Variants in TMEM135 observed in about 807,000 individuals in gnomAD.
TMEM135 encodes the protein transmembrane protein 135.
Under a neutral mutation model 60.3 loss-of-function variants are expected in TMEM135, and 30 were observed. The ratio of observed to expected loss-of-function variants is 0.50; its 90% CI spans 0.37 to 0.68. The LOEUF is 0.68. Ranked by LOEUF, TMEM135 falls within the 30% of genes least tolerant of loss-of-function variation. TMEM135 has a pLI of 0.00. For synonymous variants in TMEM135, 190 were observed against 186.7 expected (o/e 1.02, Z -0.14); for missense variants, 468 against 548.8 (o/e 0.85, Z 1.47).
intron 8 of TMEM135, 55 bp from the exon 9 acceptor site, chr11:87,305,881 A>G (rs1413004454): frequency 7.5e-7 from 1 of 1,339,476 alleles, no homozygotes; most frequent in East Asian, 2.4e-5. Flanking sequence ...GTACAAACAC[A>G]TGGATATACA....
intron 4 of TMEM135, among the ~76,000 whole-genome samples, chr11:87,125,233 G>T (rs1168927680): frequency 6.6e-6 from 1 of 152,284 alleles, no homozygotes; most frequent in East Asian, 1.9e-4. Flanking sequence ...TAGCCAATGC[G>T]CTGTCTTTGT....
At chr11:87,265,567 C>A (rs776888881) in intron 6 of TMEM135, among the ~76,000 whole-genome samples, 9 of 151,984 alleles carry the variant, frequency 5.9e-5, no homozygotes, top group Non-Finnish European at 7.4e-5. Flanking sequence ...CTAAACACTT[C>A]TGGAAAATAA....
chr11:87,082,589 A>T (rs1857013775), intron 3 of TMEM135, among the ~76,000 whole-genome samples: 1 of 152,186 alleles, frequency 6.6e-6, no homozygotes, highest in African/African-American at 2.4e-5. Flanking sequence ...GGTAGTTAGA[A>T]AAATAAAAAT....
At chr11:87,251,947 A>G (rs1210816309) in intron 6 of TMEM135, among the ~76,000 whole-genome samples, 4 of 152,172 alleles carry the variant, frequency 2.6e-5, no homozygotes, top group Non-Finnish European at 5.9e-5. Flanking sequence ...AAAAGTCTTC[A>G]TCTGCAATCT....
chr11:87,189,307 T>C (rs1258469538), intron 5 of TMEM135, among the ~76,000 whole-genome samples: 1 of 151,978 alleles, frequency 6.6e-6, no homozygotes, highest in Non-Finnish European at 1.5e-5. Flanking sequence ...ATCACAGGCA[T>C]GTGCCACCAT....
intron 4 of TMEM135, among the ~76,000 whole-genome samples, chr11:87,135,422 A>G (rs146607790): frequency 6.6e-6 from 1 of 151,342 alleles, no homozygotes; most frequent in East Asian, 1.9e-4. Flanking sequence ...TATCGATCAC[A>G]GTTCATTTAA....
intron 3 of TMEM135, among the ~76,000 whole-genome samples, chr11:87,081,935 G>A (rs1254404770): frequency 6.6e-6 from 1 of 152,016 alleles, no homozygotes; most frequent in Non-Finnish European, 1.5e-5. Context: ...TGATCTCATT[G>A]TTACATTATT....
In TMEM135 at chr11:87,321,647, T is replaced by G. The variant is rs1333389785; in HGVS notation, c.*314T>G. 1 of 515,052 alleles carries G rather than the reference T, an allele frequency of 1.9e-6. No individual in the cohort carries two copies. The highest frequency in any genetic ancestry group is 3.7e-6 in the Non-Finnish European group (1 of 268,778). 31.9% of individuals were successfully genotyped at this position (515,052 alleles called of 1,614,324 possible). On this transcript the variant is annotated 3_prime_UTR_variant, in exon 15 of 15. Transcript: ENST00000305494. ...GTAGAAGTGTAATAACAAACAAGAG[T>G]ACACTTAAAATTACTTTAAAAGATG...
intron 1 of TMEM135, among the ~76,000 whole-genome samples, chr11:87,038,609 C>CTTTTTTT (rs3045930): frequency 9.7e-5 from 11 of 113,912 alleles, no homozygotes; most frequent in Non-Finnish European, 1.8e-4. Flanking sequence ...TTTTATTTTG[C>CTTTTTTT]TTTTTTTTTT....
At chr11:87,295,398 T>A (rs111463975) in intron 6 of TMEM135, among the ~76,000 whole-genome samples, 1 of 152,162 alleles carries the variant, frequency 6.6e-6, no homozygotes, top group African/African-American at 2.4e-5. Context: ...CTTGAATTGA[T>A]CTATATATAA....
intron 6 of TMEM135, among the ~76,000 whole-genome samples, chr11:87,287,294 T>G (rs10898659): frequency 0.37 from 55,838 of 152,114 alleles, 10,912 homozygotes; most frequent in Non-Finnish European, 0.43. Context: ...AATAAAGATA[T>G]ATCATGTAAT....
chr11:87,304,624 C>T (rs113031294), intron 8 of TMEM135, among the ~76,000 whole-genome samples: 3 of 152,272 alleles, frequency 2.0e-5, no homozygotes, highest in African/African-American at 7.2e-5. Flanking sequence ...GTTGCTGTCA[C>T]CCTTGACTAG....
At chr11:87,290,122 A>G (rs1002677946) in intron 6 of TMEM135, among the ~76,000 whole-genome samples, 6 of 150,904 alleles carry the variant, frequency 4.0e-5, no homozygotes, top group Non-Finnish European at 8.9e-5. Flanking sequence ...TATTTACCAA[A>G]TGAGTGAAAA....
At chr11:87,291,912 CGT>C (rs1942272767) in intron 6 of TMEM135, among the ~76,000 whole-genome samples, 1 of 152,136 alleles carries the variant, frequency 6.6e-6, no homozygotes, top group South Asian at 2.1e-4. Flanking sequence ...AAAGTTCTTA[CGT>C]TGCCTAAAGG....
intron 6 of TMEM135, among the ~76,000 whole-genome samples, chr11:87,281,522 A>G (rs1942059501): frequency 6.6e-6 from 1 of 152,232 alleles, no homozygotes; most frequent in African/African-American, 2.4e-5. Context: ...GAAAAAGACT[A>G]TTGATAGTAT....
At chr11:87,318,952 T>C in intron 13 of TMEM135, 1 of 190,542 alleles carries the variant, frequency 5.2e-6, no homozygotes, top group South Asian at 1.0e-4. Context: ...CACTGCAACC[T>C]CTGCCTCCTG....
chr11:87,235,088 A>G (rs994986270), intron 5 of TMEM135, among the ~76,000 whole-genome samples: 2 of 152,034 alleles, frequency 1.3e-5, no homozygotes, highest in Non-Finnish European at 2.9e-5. Context: ...ATTGAGTGTC[A>G]TGACTGGGTT....
At chr11:87,267,053 G>A (rs1467212811) in intron 6 of TMEM135, among the ~76,000 whole-genome samples, 1 of 152,102 alleles carries the variant, frequency 6.6e-6, no homozygotes, top group Non-Finnish European at 1.5e-5. Flanking sequence ...AATTTAAGCT[G>A]GATAAGGAGG....
At chr11:87,064,100 C>A (rs1590990085) in intron 1 of TMEM135, among the ~76,000 whole-genome samples, 1 of 152,092 alleles carries the variant, frequency 6.6e-6, no homozygotes. Context: ...GAGAACTAAT[C>A]CTAAAGCTGT....
Sources: allele counts gnomAD v4.1 joint callset (sites outside exome capture counted in the v4.1 genomes callset), GRCh38; gene constraint gnomAD v4.1.1; transcripts MANE v1.5; gene names NCBI Gene and HGNC (gene_info 2026-07-23, HGNC 2026-07-21).